TTC28: variants seen among roughly 807,000 people sequenced by gnomAD.
TTC28 encodes tetratricopeptide repeat domain 28, also known as tetratricopeptide repeat protein 28.
TTC28 carries 61 observed loss-of-function variants against 198.0 expected under a neutral mutation model. That is an observed-to-expected ratio of 0.31 (90% CI 0.25 to 0.38). The LOEUF (loss-of-function observed/expected upper bound fraction) is 0.38. Ranked by LOEUF, TTC28 falls within the 10% of genes least tolerant of loss-of-function variation. TTC28 has a pLI of 1.00. For synonymous variants in TTC28, 1,171 were observed against 1,297.8 expected (o/e 0.90, Z 2.10); for missense variants, 2,678 against 3,164.0 (o/e 0.85, Z 3.69).
chr22:28,165,678 G>A (rs919416872), intron 5 of TTC28, among the ~76,000 whole-genome samples: 21 of 152,116 alleles, frequency 1.4e-4, no homozygotes, highest in Admixed American at 1.4e-3. Context: ...CCTGAAGGAA[G>A]CACTAAATAT....
intron 6 of TTC28, among the ~76,000 whole-genome samples, chr22:28,139,075 G>A (rs1300128090): frequency 6.6e-5 from 10 of 151,988 alleles, no homozygotes; most frequent in Non-Finnish European, 7.4e-5. Context: ...GAGATGGGGT[G>A]GAGTTGAAGC....
At chr22:28,170,358 G>A (rs965516995) in intron 5 of TTC28, among the ~76,000 whole-genome samples, 3 of 151,516 alleles carry the variant, frequency 2.0e-5, no homozygotes, top group East Asian at 1.9e-4. Context: ...GCGTGGTTGC[G>A]GGCACCTGTA....
At chr22:28,514,172 T>C (rs1424603393) in intron 2 of TTC28, among the ~76,000 whole-genome samples, 1 of 152,206 alleles carries the variant, frequency 6.6e-6, no homozygotes, top group Non-Finnish European at 1.5e-5. Context: ...CAGGAATCAA[T>C]TGCCTTATTT....
Position 28,285,579 on chromosome 22 carries a change from TA to T in TTC28, c.933+10618del, listed in dbSNP as rs2044668969. 8.5e-5 allele frequency among the ~76,000 whole-genome samples: 13 copies of T among 152,308 alleles called. No individual in the cohort carries two copies. The South Asian group carries it at 2.5e-3, about 29-fold the overall frequency. On this transcript the variant is annotated intron_variant, in intron 5 of 22. Coordinates refer to ENST00000397906, the MANE Select transcript of TTC28 (RefSeq NM_001145418.2). ...CAGTGTCTTCACCACCCCCAACTCA[TA>T]CAAACGATAACTAAGTATGATACTT...
chr22:28,337,989 T>C (rs1269070402), intron 2 of TTC28, among the ~76,000 whole-genome samples: 1 of 152,228 alleles, frequency 6.6e-6, no homozygotes, highest in Non-Finnish European at 1.5e-5. Context: ...CGGTTGTTCC[T>C]TTCCATGTTT....
intron 2 of TTC28, among the ~76,000 whole-genome samples, chr22:28,586,419 TTAAAGA>T (rs913912751): frequency 6.8e-4 from 104 of 151,892 alleles, no homozygotes; most frequent in African/African-American, 2.4e-3. Context: ...TATAGAAAGA[TTAAAGA>T]TAGAGTGAGA....
At chr22:28,265,973 A>G (rs1931657183) in intron 5 of TTC28, among the ~76,000 whole-genome samples, 1 of 152,150 alleles carries the variant, frequency 6.6e-6, no homozygotes, top group Non-Finnish European at 1.5e-5. Context: ...TGAGTCCAGG[A>G]GTTCAAGACC....
At chr22:28,341,143 A>T (rs983038619) in intron 2 of TTC28, among the ~76,000 whole-genome samples, 1 of 152,238 alleles carries the variant, frequency 6.6e-6, no homozygotes. Flanking sequence ...CCTTTGTTCC[A>T]AGTTCACTTG....
intron 1 of TTC28, among the ~76,000 whole-genome samples, chr22:28,660,329 A>T (rs549118748): frequency 1.3e-3 from 200 of 151,948 alleles, no homozygotes; most frequent in Non-Finnish European, 1.9e-3. Context: ...AGAAAAGGAA[A>T]TTTTTTTTCT....
At chr22:28,210,994 A>C (rs1926897843) in intron 5 of TTC28, among the ~76,000 whole-genome samples, 1 of 152,192 alleles carries the variant, frequency 6.6e-6, no homozygotes, top group Non-Finnish European at 1.5e-5. Flanking sequence ...ACATTCTTAA[A>C]AGAATTTCCA....
rs1389751767 is a variant in TTC28, at chr22:28,629,743, G to A, written c.190C>T (p.Gln64Ter). ...CCATCATGACAGGCCTGATTACTCT[G>A]ACGAACTTTCTCAACAAATTCAGCT... ...SKAEFVEKVR[Q>*]SNQACHDGDF... Residue 64 changes from glutamine (Q) to a stop codon, truncating the protein, a stop_gained, in exon 2 of 23, where the codon CAG becomes TAG. Coordinates refer to ENST00000397906, the MANE Select transcript of TTC28 (RefSeq NM_001145418.2). LOFTEE classifies it high-confidence loss of function. 1.3e-6 allele frequency: 2 copies of A among 1,551,532 alleles called. No individual in the cohort carries two copies. Among genetic ancestry groups the A allele is most frequent in the Non-Finnish European group, 1.7e-6 (2 of 1,146,996 alleles).
chr22:28,674,263 T>TG (rs1451045101), intron 1 of TTC28, among the ~76,000 whole-genome samples: 1 of 140,988 alleles, frequency 7.1e-6, no homozygotes, highest in Non-Finnish European at 1.5e-5. Context: ...TTTTTCTTTG[T>TG]GGTTTTTTTT....
chr22:28,164,566 C>T (rs1166031597), intron 5 of TTC28, among the ~76,000 whole-genome samples: 2 of 152,170 alleles, frequency 1.3e-5, no homozygotes, highest in Non-Finnish European at 2.9e-5. Flanking sequence ...AACTCCAACA[C>T]ACCTGCAGCT....
At chr22:28,505,518 C>G (rs1198874664) in intron 2 of TTC28, among the ~76,000 whole-genome samples, 3 of 152,140 alleles carry the variant, frequency 2.0e-5, no homozygotes, top group Non-Finnish European at 2.9e-5. Context: ...CACCCCCAGC[C>G]AAGGGAAGTA....
chr22:28,123,642 C>CT (rs1266984453), intron 6 of TTC28, among the ~76,000 whole-genome samples: 1 of 152,172 alleles, frequency 6.6e-6, no homozygotes, highest in Non-Finnish European at 1.5e-5. Flanking sequence ...TATCATCCAT[C>CT]TTTTTTTATT....
At chr22:28,124,412 T>C (rs562192783) in intron 6 of TTC28, among the ~76,000 whole-genome samples, 1 of 152,350 alleles carries the variant, frequency 6.6e-6, no homozygotes, top group Non-Finnish European at 1.5e-5. Context: ...CAGTATATAA[T>C]AATATCCATT....
At chr22:28,483,294 G>C (rs371968300) in intron 2 of TTC28, among the ~76,000 whole-genome samples, 283 of 152,244 alleles carry the variant, frequency 1.9e-3, no homozygotes, top group African/African-American at 6.5e-3. Context: ...TCAGATGGCA[G>C]TAAGTACTAT....
intron 1 of TTC28, among the ~76,000 whole-genome samples, chr22:28,651,311 C>CTTTTTTTTTTTTTTTTTTTTTTTT (rs111469498): frequency 2.7e-5 from 4 of 147,448 alleles, no homozygotes; most frequent in African/African-American, 5.1e-5. Context: ...TCTGTCACTC[C>CTTTTTTTTTTTTTTTTTTTTTTTT]TTTTTTTTGA....
chr22:28,112,884 G>A (rs548122005), intron 6 of TTC28, among the ~76,000 whole-genome samples: 1 of 152,270 alleles, frequency 6.6e-6, no homozygotes, highest in Admixed American at 6.5e-5. Context: ...GAGTTCTCAC[G>A]AGGGTGTGTG....
Sources: gnomAD v4.1 joint callset for allele counts (sites outside exome capture counted in the v4.1 genomes callset) on GRCh38, gnomAD v4.1.1 for gene constraint, MANE v1.5 for transcripts, NCBI Gene and HGNC (gene_info 2026-07-23, HGNC 2026-07-21) for gene names.